The following VIRMA variants were observed in gnomAD, a reference collection of about 807,000 sequenced individuals.
The protein encoded by VIRMA is protein virilizer homolog.
In VIRMA, 65 loss-of-function variants were observed where a neutral mutation model predicts 182.4. That is an observed-to-expected ratio of 0.36 (90% CI 0.29 to 0.44). The LOEUF is 0.44. VIRMA is among the 20% of genes least tolerant of loss of function. The pLI, the probability that VIRMA is intolerant of heterozygous loss-of-function variation, is 1.00. For missense variants in VIRMA, 1,752 were observed against 2,158.1 expected (o/e 0.81, Z 3.73); for synonymous variants, 709 against 743.1 (o/e 0.95, Z 0.75).
intron 5 of VIRMA, among the ~76,000 whole-genome samples, chr8:94,531,532 A>C (rs1331455047): frequency 6.6e-6 from 1 of 152,230 alleles, no homozygotes; most frequent in African/African-American, 2.4e-5. Flanking sequence ...ATACTGAAAA[A>C]ATACTTGTCA....
intron 7 of VIRMA, among the ~76,000 whole-genome samples, chr8:94,528,423 CA>C (rs562960811): frequency 6.1e-4 from 93 of 152,110 alleles, no homozygotes; most frequent in Admixed American, 1.2e-3. Context: ...AAATGACATT[CA>C]TTTTTACTAT....
rs374086333 is a variant in VIRMA at position 94,543,839 on chromosome 8, T to C, written c.167A>G (p.Asn56Ser). 102 of 1,588,738 alleles carry C rather than the reference T, an allele frequency of 6.4e-5. No individual in the cohort carries two copies. The highest frequency in any genetic ancestry group is 2.7e-4 in the East Asian group (12 of 44,672). Residue 56 changes from asparagine to serine, a missense_variant, in exon 2 of 24, where the codon AAT becomes AGT. Coordinates refer to ENST00000297591, the MANE Select transcript of VIRMA (RefSeq NM_015496.5). ...GVRAHSSLPD[N>S]RAYGETSPHT... ...AGAGTTGACTTACCCATATGCTCTA[T>C]TGTCTGGCAGACTGCTATGGGCTCT...
At position 94,495,901 on chromosome 8, in the gene VIRMA, A is replaced by T. The variant is rs1396547047; in HGVS notation, c.4384-10T>A. On this transcript the variant is annotated splice_polypyrimidine_tract_variant and intron_variant, in intron 18 of 23. Coordinates refer to ENST00000297591, the MANE Select transcript of VIRMA (RefSeq NM_015496.5). ...CATCTTTTGAATGTTCCTAGATACAAATAAAGGCAGAATAAGAAGGTGCAG... is the reference window on the plus strand; with the variant it reads ...CATCTTTTGAATGTTCCTAGATACATATAAAGGCAGAATAAGAAGGTGCAG... 1 of 1,609,464 alleles carries T rather than the reference A, an allele frequency of 6.2e-7. No individual in the cohort carries two copies. The highest frequency in any genetic ancestry group is 1.7e-5 in the Admixed American group (1 of 59,236).
At position 94,527,181 on chromosome 8, in the gene VIRMA, A is replaced by G. The variant is rs1290930263; in HGVS notation, c.1063T>C (p.Tyr355His). 4.3e-6 allele frequency: 7 copies of G among 1,614,048 alleles called. No individual in the cohort carries two copies. Among genetic ancestry groups the G allele is most frequent in the East Asian group, 2.2e-5 (1 of 44,872 alleles). ...LVPLLYFSCP[Y>H]KTTFEIEISR... ...ATTTCAATTTCAAAAGTAGTCTTGT[A>G]TGGACAACTGAAGTATAAGAGTGGT... The change falls in exon 8 of 24, where the codon TAC (tyrosine) becomes CAC (histidine). Residue 355 changes from tyrosine (Y) to histidine (H), a missense_variant. Tyr to His is a moderately conservative substitution (Grantham distance 83, BLOSUM62 2). Coordinates refer to ENST00000297591, the MANE Select transcript of VIRMA (RefSeq NM_015496.5).
In VIRMA at chr8:94,510,616, T is replaced by C; in HGVS notation, c.3427A>G (p.Thr1143Ala). The C allele has an allele frequency of 6.2e-7, 1 of 1,614,060 alleles. No individual in the cohort carries two copies. The highest frequency in any genetic ancestry group is 1.3e-5 in the African/African-American group (1 of 75,052). The change falls in exon 14 of 24, where the codon ACC becomes GCC. Residue 1143 changes from threonine to alanine, a missense_variant. Thr to Ala is a moderately conservative substitution (Grantham distance 58). Transcript: ENST00000297591. ...EPHDISVALN[T>A]RKLWSMHLHV... ...AGGTGCATGCTCCACAATTTTCGGG[T>C]GTTGAGTGCCACTGATATATCATGT...
intron 23 of VIRMA, 46 bp from the exon 24 acceptor site, chr8:94,488,906 T>C (rs750648377): frequency 6.3e-7 from 1 of 1,586,210 alleles, no homozygotes; most frequent in South Asian, 1.1e-5. Flanking sequence ...TCCTTTCTTT[T>C]CCAAGATTAT....
intron 16 of VIRMA, among the ~76,000 whole-genome samples, chr8:94,505,009 C>T (rs1221938470): frequency 6.6e-6 from 1 of 152,132 alleles, no homozygotes; most frequent in African/African-American, 2.4e-5. Context: ...CCTAACCCAA[C>T]TAGGAAAGCT....
intron 17 of VIRMA, chr8:94,498,295 A>C (rs1363387836): frequency 6.6e-6 from 1 of 152,228 alleles, no homozygotes; most frequent in Non-Finnish European, 1.5e-5. Flanking sequence ...GGGGAAAATA[A>C]TCTTTAATTC....
Position 94,502,422 on chromosome 8 carries a change from A to G in VIRMA, c.4098-2916T>C, listed in dbSNP as rs1284008245. On this transcript the variant is annotated intron_variant, in intron 16 of 23. Transcript: ENST00000297591. ...AACATATATATAAATTAATAAATTT[A>G]TTGTTTTAAAATAAATTTTATAATT... is the stretch of plus-strand genomic sequence containing the variant. 2.0e-5 allele frequency among the ~76,000 whole-genome samples: 3 copies of G among 151,380 alleles called. 1 individual carries two copies. The highest frequency in any genetic ancestry group is 2.0e-4 in the Admixed American group (3 of 15,232).
At chr8:94,517,976 C>A in intron 9 of VIRMA, 34 bp from the exon 10 acceptor site, 2 of 1,553,998 alleles carry the variant, frequency 1.3e-6, no homozygotes, top group South Asian at 2.4e-5. Flanking sequence ...GTTTTGGATA[C>A]AAAAACAATT....
chr8:94,552,647 C>G (rs923007772), intron 1 of VIRMA, among the ~76,000 whole-genome samples: 2 of 151,928 alleles, frequency 1.3e-5, no homozygotes, highest in African/African-American at 2.4e-5. Flanking sequence ...AGTTAACCAG[C>G]TATGTTTAAT....
intron 5 of VIRMA, chr8:94,534,240 AAT>A (rs959996864): frequency 2.0e-5 from 3 of 152,262 alleles, no homozygotes; most frequent in Non-Finnish European, 2.9e-5. Context: ...TTGAAAAAAA[AAT>A]GTCATTTATA....
intron 8 of VIRMA, among the ~76,000 whole-genome samples, chr8:94,524,855 A>G (rs1334381001): frequency 1.3e-5 from 2 of 152,222 alleles, no homozygotes; most frequent in Non-Finnish European, 2.9e-5. Context: ...GAACCTCTGC[A>G]CAGTATCACA....
chr8:94,543,101 T>C (rs1331966278), intron 2 of VIRMA, among the ~76,000 whole-genome samples: 2 of 151,120 alleles, frequency 1.3e-5, no homozygotes, highest in African/African-American at 2.4e-5. Context: ...AGAGACGGGG[T>C]TTCTCCCTGT....
At chr8:94,505,917 A>G (rs1477984227) in intron 16 of VIRMA, among the ~76,000 whole-genome samples, 1 of 152,216 alleles carries the variant, frequency 6.6e-6, no homozygotes, top group African/African-American at 2.4e-5. Context: ...AATATTATAA[A>G]TAAATAAATA....
intron 16 of VIRMA, among the ~76,000 whole-genome samples, chr8:94,504,637 G>A (rs1323749239): frequency 6.6e-6 from 1 of 152,160 alleles, no homozygotes; most frequent in Admixed American, 6.6e-5. Context: ...AATGGTGGAA[G>A]CAAGGAGACC....
At chr8:94,510,192 A>C (rs1417437008) in intron 14 of VIRMA, among the ~76,000 whole-genome samples, 2 of 152,152 alleles carry the variant, frequency 1.3e-5, no homozygotes, top group African/African-American at 4.8e-5. Flanking sequence ...CCAAATCAAG[A>C]CCTTCAAGAT....
intron 20 of VIRMA, among the ~76,000 whole-genome samples, chr8:94,494,217 G>A (rs375346174): frequency 1.3e-5 from 2 of 152,158 alleles, no homozygotes; most frequent in Middle Eastern, 3.2e-3. Context: ...CGCTTTGGGA[G>A]GCCAAAGAGA....
Position 94,526,927 on chromosome 8 carries a change from T to C in VIRMA, c.1317A>G (p.Leu439=), listed in dbSNP as rs1408330115. Residue 439 remains leucine (L), a synonymous_variant, in exon 8 of 24, where the codon TTA becomes TTG. Coordinates refer to ENST00000297591, the MANE Select transcript of VIRMA (RefSeq NM_015496.5). The stretch of plus-strand genomic sequence containing the variant: ...GTTGGCGAAGCGCTACTTGTAAATT[T>C]AAAGCTTGCATGGTCCAGTCTACCA... ...GQLVDWTMQA[L]NLQVALRQPI... is the part of the protein sequence containing the mutation. 6.2e-7 allele frequency: 1 copy of C among 1,614,246 alleles called. No individual in the cohort carries two copies. The highest frequency in any genetic ancestry group is 1.1e-5 in the South Asian group (1 of 91,086).
Sources: gnomAD v4.1 joint callset for allele counts (sites outside exome capture counted in the v4.1 genomes callset) on GRCh38, gnomAD v4.1.1 for gene constraint, MANE v1.5 for transcripts, NCBI Gene and HGNC (gene_info 2026-07-23, HGNC 2026-07-21) for gene names.